The following CNTN5 variants were observed in gnomAD, a reference collection of about 807,000 sequenced individuals.
The protein encoded by CNTN5 is contactin 5.
CNTN5 carries 77 observed loss-of-function variants against 129.1 expected under a neutral mutation model. The observed-to-expected ratio is 0.60, with a 90% CI of 0.50 to 0.72. CNTN5 has a LOEUF of 0.72. Among genes scored for constraint, CNTN5 ranks in the 30% least tolerant of loss-of-function variants. The pLI, the probability that CNTN5 is intolerant of heterozygous loss-of-function variation, is 0.00. For missense variants in CNTN5, 1,478 were observed against 1,328.8 expected (o/e 1.11, Z -1.75); for synonymous variants, 509 against 465.6 (o/e 1.09, Z -1.20).
chr11:99,684,216 G>T (rs1471357952), intron 3 of CNTN5, among the ~76,000 whole-genome samples: 1 of 151,706 alleles, frequency 6.6e-6, no homozygotes, highest in Non-Finnish European at 1.5e-5. Context: ...AGTCAATAAT[G>T]CTTTATAGTT....
chr11:99,031,776 A>G (rs949215322), intron 1 of CNTN5, among the ~76,000 whole-genome samples: 3 of 145,350 alleles, frequency 2.1e-5, no homozygotes, highest in African/African-American at 5.1e-5. Context: ...TTTTTTTTTT[A>G]TTATTATACT....
intron 3 of CNTN5, among the ~76,000 whole-genome samples, chr11:99,654,079 G>T (rs1160976496): frequency 6.6e-6 from 1 of 151,974 alleles, no homozygotes; most frequent in East Asian, 1.9e-4. Context: ...TATTTTATTA[G>T]AATGCAAACA....
chr11:100,163,076 AG>A (rs1162709892), intron 13 of CNTN5, among the ~76,000 whole-genome samples: 18 of 151,918 alleles, frequency 1.2e-4, no homozygotes, highest in Admixed American at 7.2e-4. Context: ...TTATTTTTAG[AG>A]TACTTGGCAA....
At chr11:99,045,270 A>G (rs1864161214) in intron 1 of CNTN5, among the ~76,000 whole-genome samples, 1 of 152,214 alleles carries the variant, frequency 6.6e-6, no homozygotes, top group Non-Finnish European at 1.5e-5. Context: ...TTTATTAAAC[A>G]TTAGGTGAAA....
intron 2 of CNTN5, among the ~76,000 whole-genome samples, chr11:99,513,628 G>A (rs1162434648): frequency 6.6e-6 from 1 of 152,054 alleles, no homozygotes; most frequent in East Asian, 1.9e-4. Flanking sequence ...AATCTACTCT[G>A]CCTGTTCTAT....
intron 13 of CNTN5, among the ~76,000 whole-genome samples, chr11:100,183,979 T>G (rs1948218321): frequency 6.6e-6 from 1 of 152,110 alleles, no homozygotes; most frequent in Non-Finnish European, 1.5e-5. Context: ...CCTTCCGACC[T>G]CAGGATCTTT....
At chr11:99,390,568 G>A (rs1941209342) in intron 2 of CNTN5, among the ~76,000 whole-genome samples, 1 of 152,126 alleles carries the variant, frequency 6.6e-6, no homozygotes, top group Admixed American at 6.6e-5. Flanking sequence ...ACCATATTAT[G>A]TTGAGCTCAG....
rs576749344 is a variant in CNTN5 at position 99,492,173 on chromosome 11, G to A, written c.-70-63972G>A. Among the ~76,000 whole-genome samples the A allele has an allele frequency of 4.1e-4, 62 of 152,284 alleles. 1 individual carries two copies. The highest frequency in any genetic ancestry group is 3.4e-3 in the Middle Eastern group (1 of 294). ...GCCCATTGTTCAAACATTGCAGGAT[G>A]GGTGGGGTGAAGACATGTTGGCTGA... On this transcript the variant is annotated intron_variant, in intron 2 of 24. Coordinates refer to ENST00000524871, the MANE Select transcript of CNTN5 (RefSeq NM_014361.4).
chr11:99,414,353 AGTTGTGC>A (rs1449747597), intron 2 of CNTN5, among the ~76,000 whole-genome samples: 3 of 152,146 alleles, frequency 2.0e-5, no homozygotes, highest in Admixed American at 6.6e-5. Context: ...GTATGTGTAT[AGTTGTGC>A]ACACATGGAT....
At chr11:99,201,375 CTTCCTTCT>C (rs1565398781) in intron 1 of CNTN5, among the ~76,000 whole-genome samples, 20 of 148,714 alleles carry the variant, frequency 1.3e-4, no homozygotes, top group African/African-American at 5.0e-4. Flanking sequence ...TCCTTCCTTC[CTTCCTTCT>C]TTCCTTCCTT....
chr11:100,174,601 AT>A (rs1428603794), intron 13 of CNTN5, among the ~76,000 whole-genome samples: 1 of 152,152 alleles, frequency 6.6e-6, no homozygotes, highest in Non-Finnish European at 1.5e-5. Context: ...CCTGTGACGA[AT>A]ACCTTGTAGA....
chr11:100,172,693 A>G (rs1947859613), intron 13 of CNTN5, among the ~76,000 whole-genome samples: 1 of 152,106 alleles, frequency 6.6e-6, no homozygotes, highest in South Asian at 2.1e-4. Context: ...ATGACAAAAC[A>G]GACTCTTCAG....
intron 9 of CNTN5, among the ~76,000 whole-genome samples, chr11:100,036,718 C>A (rs528649511): frequency 2.7e-5 from 4 of 149,806 alleles, no homozygotes; most frequent in Non-Finnish European, 5.9e-5. Context: ...GTATTTTATT[C>A]TCTTTGAAGC....
chr11:99,941,272 A>G (rs1277721557), intron 7 of CNTN5, among the ~76,000 whole-genome samples: 1 of 152,066 alleles, frequency 6.6e-6, no homozygotes, highest in Non-Finnish European at 1.5e-5. Flanking sequence ...TTCTAGAAAA[A>G]CTTCCAGACA....
intron 13 of CNTN5, among the ~76,000 whole-genome samples, chr11:100,153,148 A>C (rs1409119545): frequency 1.3e-5 from 2 of 152,164 alleles, no homozygotes; most frequent in Non-Finnish European, 1.5e-5. Context: ...GCTAGTATCA[A>C]ATAATCAAAC....
At chr11:99,847,015 C>T (rs907337823) in intron 6 of CNTN5, among the ~76,000 whole-genome samples, 1 of 152,044 alleles carries the variant, frequency 6.6e-6, no homozygotes, top group East Asian at 1.9e-4. Context: ...AAATAAATAA[C>T]CCTCATAATA....
intron 6 of CNTN5, among the ~76,000 whole-genome samples, chr11:99,861,245 C>A (rs977059304): frequency 6.6e-6 from 1 of 152,202 alleles, no homozygotes; most frequent in Non-Finnish European, 1.5e-5. Context: ...GCGTGAGCCA[C>A]CACACCTGGC....
Position 99,586,301 on chromosome 11 carries a change from A to T in CNTN5, c.55+30032A>T, listed in dbSNP as rs148560521. On this transcript the variant is annotated intron_variant, in intron 3 of 24. Transcript: ENST00000524871. The stretch of plus-strand genomic sequence containing the variant: ...CCATTGGTGAGATGATAAATCTCAA[A>T]CTTCTCAGCATAATAACTGACATAA... Among the ~76,000 whole-genome samples the T allele has an allele frequency of 2.6e-5, 4 of 152,302 alleles. No homozygotes were observed. The East Asian group carries it at 7.7e-4, about 29-fold the overall frequency.
At chr11:99,921,501 T>C (rs752610534) in intron 7 of CNTN5, among the ~76,000 whole-genome samples, 2 of 152,236 alleles carry the variant, frequency 1.3e-5, no homozygotes, top group Non-Finnish European at 2.9e-5. Context: ...TTTTGATTTC[T>C]ACTCCACAAT....
Sources: gnomAD v4.1 joint callset for allele counts (sites outside exome capture counted in the v4.1 genomes callset) on GRCh38, gnomAD v4.1.1 for gene constraint, MANE v1.5 for transcripts, NCBI Gene and HGNC (gene_info 2026-07-23, HGNC 2026-07-21) for gene names.